Variants in STK3 observed in about 807,000 individuals in gnomAD.
STK3 encodes serine/threonine kinase 3.
In STK3, 41 loss-of-function variants were observed where a neutral mutation model predicts 58.0. The ratio of observed to expected loss-of-function variants is 0.71; its 90% CI spans 0.55 to 0.92. The LOEUF is 0.92. STK3 is among the 40% of genes least tolerant of loss of function. The probability of loss-of-function intolerance (pLI) is 0.00; values close to 1 mark genes in which losing one functional copy is unlikely to be tolerated. For missense variants in STK3, 479 were observed against 602.7 expected (o/e 0.79, Z 2.15); for synonymous variants, 170 against 191.0 (o/e 0.89, Z 0.91).
At chr8:98,535,369 T>A (rs954558461) in intron 9 of STK3, among the ~76,000 whole-genome samples, 9 of 151,722 alleles carry the variant, frequency 5.9e-5, no homozygotes, top group African/African-American at 2.2e-4. Context: ...ACTAATCCAG[T>A]GAAGACAACA....
At chr8:98,490,104 T>C (rs561671466) in intron 10 of STK3, among the ~76,000 whole-genome samples, 1 of 152,204 alleles carries the variant, frequency 6.6e-6, no homozygotes, top group Non-Finnish European at 1.5e-5. Flanking sequence ...AGAGTTTACT[T>C]GCTTAAACTT....
chr8:98,547,319 A>T (rs1200790559), intron 9 of STK3, among the ~76,000 whole-genome samples: 1 of 152,164 alleles, frequency 6.6e-6, no homozygotes, highest in Non-Finnish European at 1.5e-5. Flanking sequence ...ATCTTAAAAA[A>T]CTGTTTTTAA....
rs1408718916 is a variant in STK3, at chr8:98,455,867, T to C, written c.1451A>G (p.Lys484Arg). The C allele has an allele frequency of 6.2e-7, 1 of 1,613,668 alleles. No individual in the cohort carries two copies. Among genetic ancestry groups the C allele is most frequent in the African/African-American group, 1.3e-5 (1 of 74,930 alleles). Residue 484 changes from lysine (K) to arginine (R), a missense_variant, in exon 11 of 11, where the codon AAG becomes AGG. By Grantham distance (26) the Lys-to-Arg change is conservative (BLOSUM62 2). Transcript: ENST00000419617. The part of the protein sequence containing the change: ...RQPILDAMDA[K>R]KRRQQNF ...TCAAAAGTTTTGCTGCCTTCTTTTC[T>C]TTGCATCCATCGCATCCAGAATGGG...
chr8:98,382,649 CA>C (rs1364549985), intron 1 of STK3, among the ~76,000 whole-genome samples: 1 of 152,164 alleles, frequency 6.6e-6, no homozygotes, highest in East Asian at 1.9e-4. Context: ...CTGGTATCCC[CA>C]CATTCTAACC....
At chr8:98,521,397 C>T (rs1825351188) in intron 10 of STK3, among the ~76,000 whole-genome samples, 1 of 151,992 alleles carries the variant, frequency 6.6e-6, no homozygotes, top group Admixed American at 6.6e-5. Context: ...AGTATTTCAG[C>T]TATTTCTGTT....
intron 6 of STK3, among the ~76,000 whole-genome samples, chr8:98,626,752 C>G (rs1818752955): frequency 6.6e-6 from 1 of 152,174 alleles, no homozygotes; most frequent in Admixed American, 6.5e-5. Context: ...AGACTACATG[C>G]AAGTCTGCAT....
At chr8:98,752,765 AC>A (rs1467175040) in intron 3 of STK3, among the ~76,000 whole-genome samples, 104 of 152,122 alleles carry the variant, frequency 6.8e-4, no homozygotes, top group African/African-American at 2.1e-3. Flanking sequence ...GAAAAAAAAA[AC>A]AAACAACCCC....
At chr8:98,710,690 A>G (rs1383608335) in intron 4 of STK3, among the ~76,000 whole-genome samples, 1 of 152,218 alleles carries the variant, frequency 6.6e-6, no homozygotes, top group African/African-American at 2.4e-5. Flanking sequence ...AGGCTGGCCT[A>G]CCTCTGTAGA....
At chr8:98,409,446 C>T (rs141689575) in intron 3 of STK3, among the ~76,000 whole-genome samples, 30 of 152,352 alleles carry the variant, frequency 2.0e-4, no homozygotes, top group African/African-American at 6.5e-4. Context: ...TACTTCTCTT[C>T]CTTCCCAAGG....
At chr8:98,698,080 G>C (rs1405154364) in intron 6 of STK3, among the ~76,000 whole-genome samples, 5 of 152,286 alleles carry the variant, frequency 3.3e-5, no homozygotes, top group African/African-American at 1.2e-4. Context: ...AAGACAGTTA[G>C]CTCTTCTTGT....
intron 6 of STK3, among the ~76,000 whole-genome samples, chr8:98,663,749 T>C (rs1005295379): frequency 1.3e-5 from 2 of 152,302 alleles, no homozygotes; most frequent in East Asian, 1.9e-4. Flanking sequence ...GAAACCATCA[T>C]TCTCAGCAAA....
At chr8:98,705,346 G>A (rs1003425893) in intron 6 of STK3, among the ~76,000 whole-genome samples, 2 of 151,770 alleles carry the variant, frequency 1.3e-5, no homozygotes, top group East Asian at 1.9e-4. Flanking sequence ...CCAGGAGGTC[G>A]AGGCTCGAGT....
intron 3 of STK3, among the ~76,000 whole-genome samples, chr8:98,393,310 T>C (rs1171318487): frequency 6.6e-6 from 1 of 152,166 alleles, no homozygotes; most frequent in Non-Finnish European, 1.5e-5. Flanking sequence ...GTCACTCCAA[T>C]GTCCTCAGCC....
At chr8:98,585,235 C>A (rs1440619283) in intron 7 of STK3, among the ~76,000 whole-genome samples, 1 of 151,816 alleles carries the variant, frequency 6.6e-6, no homozygotes, top group African/African-American at 2.4e-5. Flanking sequence ...TTAGGTCTAA[C>A]GTTTAAGTCT....
At chr8:98,571,631 G>C (rs1236902969) in intron 8 of STK3, among the ~76,000 whole-genome samples, 1 of 152,114 alleles carries the variant, frequency 6.6e-6, no homozygotes, top group Non-Finnish European at 1.5e-5. Context: ...TCTTTTCCAA[G>C]GATAGAAGCT....
chr8:98,917,474 G>T (rs1839386084), intron 1 of STK3, among the ~76,000 whole-genome samples: 1 of 152,146 alleles, frequency 6.6e-6, no homozygotes, highest in African/African-American at 2.4e-5. Context: ...CCAATTTGAT[G>T]ATGGTATTTG....
chr8:98,557,968 GT>G (rs1191795662), intron 8 of STK3, among the ~76,000 whole-genome samples: 1 of 151,834 alleles, frequency 6.6e-6, no homozygotes, highest in Admixed American at 6.6e-5. Context: ...GACTGTACAA[GT>G]TTTTGGCATT....
intron 1 of STK3, among the ~76,000 whole-genome samples, chr8:98,825,151 G>C (rs1025367884): frequency 1.3e-5 from 2 of 152,188 alleles, no homozygotes; most frequent in African/African-American, 4.8e-5. Context: ...TTGAACTTGA[G>C]GGGGAAGGGG....
At chr8:98,422,985 A>G (rs1818190750) in intron 3 of STK3, among the ~76,000 whole-genome samples, 2 of 152,186 alleles carry the variant, frequency 1.3e-5, no homozygotes, top group African/African-American at 4.8e-5. Flanking sequence ...TCGAATATGC[A>G]GCTAGGACTG....
Sources: allele counts gnomAD v4.1 joint callset (sites outside exome capture counted in the v4.1 genomes callset), GRCh38; gene constraint gnomAD v4.1.1; transcripts MANE v1.5; gene names NCBI Gene and HGNC (gene_info 2026-07-23, HGNC 2026-07-21).